Variants in LZTR1 observed in about 807,000 individuals in gnomAD.
LZTR1 encodes leucine-zipper-like transcriptional regulator 1.
A neutral mutation model predicts 105.7 loss-of-function variants in LZTR1; 260 were observed. That is an observed-to-expected ratio of 2.46 (90% confidence interval 2.22 to 2.72). The LOEUF is 2.72. Among genes scored for constraint, LZTR1 ranks in the 30% most tolerant of loss-of-function variants. The pLI, the probability that LZTR1 is intolerant of heterozygous loss-of-function variation, is 0.00. For missense variants in LZTR1, 1,214 were observed against 1,166.9 expected, an observed-to-expected ratio of 1.04 and a Z score of -0.59; for synonymous variants, 490 against 476.4, an observed-to-expected ratio of 1.03 and a Z score of -0.37.
intron 10 of LZTR1, 39 bp downstream of exon 10, chr22:20,992,408 T>C: frequency 6.3e-7 from 1 of 1,584,436 alleles, no homozygotes. Context: ...CATCACCCCC[T>C]GAAACAGGTC....
intron 2 of LZTR1, among the ~76,000 whole-genome samples, chr22:20,984,978 C>T (rs533611096): frequency 1.3e-5 from 2 of 151,866 alleles, no homozygotes; most frequent in Non-Finnish European, 2.9e-5. Flanking sequence ...AATCCCAGCA[C>T]TTTGGGAGGC....
rs1924697827 is a variant in LZTR1, at chr22:20,993,851, C to T, written c.1354-73C>T. The T allele has an allele frequency of 2.5e-6, 4 of 1,570,852 alleles. No homozygotes were observed. In the South Asian group the frequency reaches 4.5e-5, roughly 18 times the overall value. ...CAGCTGCTGGCCTGGTGGTGCTGAC[C>T]TTGGCTGGCTGGGTCTCTGTTCTCT... On this transcript the variant is annotated intron_variant, in intron 12 of 20. Transcript: ENST00000646124.
intron 16 of LZTR1, 129 bp from the exon 17 acceptor site, chr22:20,995,617 T>A: frequency 8.7e-7 from 1 of 1,146,046 alleles, no homozygotes. Context: ...TCAGGGCGAG[T>A]GAGGCCTTCT....
rs1700215583 is a variant in LZTR1, at chr22:20,998,835, C to CATCT, written c.*1489_*1492dup. On this transcript the variant is annotated 3_prime_UTR_variant, in exon 21 of 21. Transcript: ENST00000646124. Reference sequence around the variant, plus strand: ...TTCACTCAGAGTGGGGCCACACACCCATCTACCCAGTTTCCACAAGATGTG... The same window carrying CATCT: ...TTCACTCAGAGTGGGGCCACACACCCATCTATCTACCCAGTTTCCACAAGATGTG... The CATCT allele has an allele frequency of 6.6e-6, 1 of 152,252 alleles. No individual in the cohort carries two copies. Among genetic ancestry groups the CATCT allele is most frequent in the Admixed American group, 6.5e-5 (1 of 15,280 alleles). 9.4% of individuals were successfully genotyped at this position (152,252 alleles called of 1,614,324 possible).
At chr22:20,997,017 ATGCCCAGGCAGGGAGGG>A in intron 20 of LZTR1, 51 bp downstream of exon 20, 3 of 1,583,404 alleles carry the variant, frequency 1.9e-6, no homozygotes, top group Non-Finnish European at 2.6e-6. Context: ...GGCAGTGGCC[ATGCCCAGGCAGGGAGGG>A]TGCCCAGGCT....
At position 20,990,658 on chromosome 22, in the gene LZTR1, C is replaced by T. The variant is rs1436752089; in HGVS notation, c.791+133C>T. 15 of 941,856 alleles carry T rather than the reference C, an allele frequency of 1.6e-5. 1 individual carries two copies. The East Asian group carries it at 3.5e-4, about 22-fold the overall frequency. 58.3% of individuals were successfully genotyped at this position (941,856 alleles called of 1,614,324 possible). The stretch of plus-strand genomic sequence containing the variant: ...GAGCTCTGCAAACAGCAGGAGGTTA[C>T]AGCCCGGAGCAGGGATGTGCGGTGC... On this transcript the variant is annotated intron_variant, in intron 8 of 20. Coordinates refer to ENST00000646124, the MANE Select transcript of LZTR1 (RefSeq NM_006767.4).
rs776696572 is a variant in LZTR1 at position 20,993,719 on chromosome 22, C to T, written c.1318C>T (p.Arg440Cys). 42 of 1,613,540 alleles carry T rather than the reference C, an allele frequency of 2.6e-5. No homozygotes were observed. Among genetic ancestry groups the T allele is most frequent in the Non-Finnish European group, 3.1e-5 (36 of 1,179,952 alleles). ...HEDYGRLWESRQFCDVEFVLG... is the reference protein window; with the variant it reads ...HEDYGRLWESCQFCDVEFVLG... ...GGACTACGGGCGGCTGTGGGAGAGC[C>T]GCCAGTTCTGCGACGTGGAGTTCGT... Residue 440 changes from arginine to cysteine, a missense_variant, in exon 12 of 21, where the codon CGC becomes TGC. By Grantham distance (180) the Arg-to-Cys change is radical. Transcript: ENST00000646124.
intron 3 of LZTR1, chr22:20,986,532 C>T (rs913122634): frequency 2.7e-5 from 4 of 150,720 alleles, no homozygotes; most frequent in Admixed American, 1.3e-4. Context: ...GATGACAGAT[C>T]GATAGATAGA....
In LZTR1 at chr22:20,982,561, G is replaced by A; in HGVS notation, c.190G>A (p.Val64Met). ...GCGCCTCCCGCCCTGCGACGAGTTCGTGGGTGCCCGGTACGGTGGGCTTCA... is the reference window on the plus strand; with the variant it reads ...GCGCCTCCCGCCCTGCGACGAGTTCATGGGTGCCCGGTACGGTGGGCTTCA... ...WRRLPPCDEF[V>M]GARRSKHTVV... Residue 64 changes from valine to methionine, a missense_variant, in exon 1 of 21, where the codon GTG becomes ATG. Coordinates refer to ENST00000646124, the MANE Select transcript of LZTR1 (RefSeq NM_006767.4). 1 of 1,611,970 alleles carries A rather than the reference G, an allele frequency of 6.2e-7. No homozygotes were observed. Among genetic ancestry groups the A allele is most frequent in the Non-Finnish European group, 8.5e-7 (1 of 1,179,366 alleles).
At chr22:20,985,770 C>A in intron 2 of LZTR1, 71 bp from the exon 3 acceptor site, 1 of 1,421,758 alleles carries the variant, frequency 7.0e-7, no homozygotes, top group Non-Finnish European at 9.9e-7. Context: ...TGGCTACATG[C>A]AGTGCCCATC....
intron 18 of LZTR1, 134 bp from the exon 19 acceptor site, chr22:20,996,562 T>C (rs1017989845): frequency 3.4e-5 from 23 of 678,248 alleles, no homozygotes; most frequent in Non-Finnish European, 5.7e-5. Context: ...TTTGACCCAC[T>C]AAGTAGTTCA....
intron 8 of LZTR1, chr22:20,990,773 G>A: frequency 2.1e-6 from 1 of 474,752 alleles, no homozygotes. Context: ...GAACGTGAAG[G>A]ACGTCCCCTT....
chr22:20,996,198 C>A (rs2147969849), intron 18 of LZTR1, 86 bp downstream of exon 18: 2 of 1,450,310 alleles, frequency 1.4e-6, no homozygotes, highest in Non-Finnish European at 1.9e-6. Flanking sequence ...CGCTCTCCTG[C>A]CCCAGCTAGG....
At chr22:20,992,070 C>A in intron 9 of LZTR1, 144 bp from the exon 10 acceptor site, 1 of 825,384 alleles carries the variant, frequency 1.2e-6, no homozygotes, top group South Asian at 1.7e-5. Flanking sequence ...GGCTGCTGTG[C>A]TGCAGACCTT....
At chr22:20,992,704 G>A (rs1924648497) in intron 10 of LZTR1, 90 bp from the exon 11 acceptor site, 2 of 852,590 alleles carry the variant, frequency 2.3e-6, no homozygotes, top group Non-Finnish European at 1.9e-6. Flanking sequence ...ATGGCCATGA[G>A]GTGCCGCATC....
chr22:20,993,208 G>T, intron 11 of LZTR1: 1 of 443,886 alleles, frequency 2.3e-6, no homozygotes, highest in Non-Finnish European at 4.1e-6. Context: ...CCAGGGCAGA[G>T]CCAGGGCCGA....
intron 18 of LZTR1, 138 bp from the exon 19 acceptor site, chr22:20,996,558 C>T: frequency 1.5e-6 from 1 of 665,048 alleles, no homozygotes; most frequent in Admixed American, 2.7e-5. Context: ...GGCCTTTGAC[C>T]CACTAAGTAG....
At chr22:20,996,607 T>G in intron 18 of LZTR1, 89 bp from the exon 19 acceptor site, 1 of 1,045,900 alleles carries the variant, frequency 9.6e-7, no homozygotes, top group South Asian at 1.3e-5. Context: ...CGTGGGGGCT[T>G]GGGGCTCCAG....
chr22:20,987,923 G>C (rs1277613557), intron 4 of LZTR1, 87 bp from the exon 5 acceptor site: 5 of 813,040 alleles, frequency 6.1e-6, no homozygotes, highest in Admixed American at 2.1e-5. Flanking sequence ...GCATTTTCAG[G>C]GGGGCCAGAT....
Sources: allele counts gnomAD v4.1 joint callset (sites outside exome capture counted in the v4.1 genomes callset), GRCh38; gene constraint gnomAD v4.1.1; transcripts MANE v1.5; gene names NCBI Gene and HGNC (gene_info 2026-07-23, HGNC 2026-07-21).